Variants in MORN1 observed in about 807,000 individuals in gnomAD.
The protein encoded by MORN1 is MORN repeat-containing protein 1.
A neutral mutation model predicts 61.9 loss-of-function variants in MORN1; 67 were observed. The ratio of observed to expected loss-of-function variants is 1.08; its 90% CI spans 0.89 to 1.33. The LOEUF (loss-of-function observed/expected upper bound fraction) is 1.33. Ranked by LOEUF, MORN1 falls within the 40% of genes most tolerant of loss-of-function variation. MORN1 has a pLI of 0.00. For synonymous variants in MORN1, 301 were observed against 292.0 expected, an observed-to-expected ratio of 1.03 and a Z score of -0.31; for missense variants, 752 against 691.2, an observed-to-expected ratio of 1.09 and a Z score of -0.99.
chr1:2,386,028 C>T, intron 4 of MORN1, 131 bp from the exon 5 acceptor site: 1 of 733,214 alleles, frequency 1.4e-6, no homozygotes, highest in Non-Finnish European at 2.4e-6. Context: ...GCTCAGGGCC[C>T]CCCAGGAACA....
intron 8 of MORN1, among the ~76,000 whole-genome samples, chr1:2,366,609 C>T (rs1480503205): frequency 2.0e-5 from 3 of 152,212 alleles, no homozygotes; most frequent in Non-Finnish European, 4.4e-5. Flanking sequence ...CTGCAACCTC[C>T]GCCTCCCAGG....
chr1:2,380,357 C>T (rs527488179), intron 6 of MORN1, among the ~76,000 whole-genome samples: 6 of 152,312 alleles, frequency 3.9e-5, no homozygotes, highest in East Asian at 1.9e-4. Context: ...AAAGTGGTCA[C>T]GGCCCAGCGC....
At chr1:2,352,119 G>C (rs1040443855) in intron 10 of MORN1, 1 of 414,134 alleles carries the variant, frequency 2.4e-6, no homozygotes, top group African/African-American at 2.1e-5. Context: ...AAATTGTGTA[G>C]AGTGTTTGTG....
intron 10 of MORN1, among the ~76,000 whole-genome samples, chr1:2,354,978 A>G (rs1435289903): frequency 3.3e-5 from 5 of 152,138 alleles, no homozygotes; most frequent in Non-Finnish European, 7.3e-5. Context: ...ACGGCTGGAC[A>G]CTCACATCAT....
chr1:2,321,347 A>C lies in MORN1; in HGVS notation c.*36T>G. On this transcript the variant is annotated 3_prime_UTR_variant, in exon 14 of 14. Coordinates refer to ENST00000378531, the MANE Select transcript of MORN1 (RefSeq NM_024848.3). Reference sequence around the variant, plus strand: ...GCAAGCAGAGGCAGCGTTTCCTTCCATTCACACCGAGGTGGCCTCCTGTGG... The same window carrying C: ...GCAAGCAGAGGCAGCGTTTCCTTCCCTTCACACCGAGGTGGCCTCCTGTGG... The C allele has an allele frequency of 7.2e-7, 1 of 1,394,634 alleles. No individual in the cohort carries two copies. Among genetic ancestry groups the C allele is most frequent in the Admixed American group, 2.8e-5 (1 of 36,312 alleles). 86.4% of individuals were successfully genotyped at this position (1,394,634 alleles called of 1,614,324 possible). A position where few individuals can be genotyped will look rare whatever the true frequency, so the allele number is the denominator to read the frequency against.
chr1:2,381,037 G>A (rs1247700811), intron 6 of MORN1, among the ~76,000 whole-genome samples: 7 of 152,336 alleles, frequency 4.6e-5, no homozygotes, highest in Admixed American at 3.3e-4. Flanking sequence ...CACTGTGACC[G>A]GAGGGCCCAG....
At position 2,388,355 on chromosome 1, in the gene MORN1, C is replaced by T. The variant is rs1456233103; in HGVS notation, c.149-18G>A. On this transcript the variant is annotated intron_variant, in intron 2 of 13. Transcript: ENST00000378531. ...CCCGTGACCTGGCAGGAGAAATCGT[C>T]ACGTGAACTCAGACAGTGGTTGGGT... The T allele has an allele frequency of 6.3e-7, 1 of 1,598,358 alleles. No homozygotes were observed. The highest frequency in any genetic ancestry group is 8.6e-7 in the Non-Finnish European group (1 of 1,165,964).
chr1:2,333,928 C>T (rs377214891), intron 12 of MORN1, among the ~76,000 whole-genome samples: 5 of 152,286 alleles, frequency 3.3e-5, no homozygotes, highest in South Asian at 2.1e-4. Flanking sequence ...CTTAGAATTC[C>T]GAAAAGTGGG....
intron 8 of MORN1, among the ~76,000 whole-genome samples, chr1:2,359,663 T>C (rs1015593754): frequency 6.6e-6 from 1 of 152,054 alleles, no homozygotes; most frequent in African/African-American, 2.4e-5. Flanking sequence ...CGGGTGGATC[T>C]CCTGAGGTCA....
At chr1:2,386,224 C>T (rs1642495190) in intron 4 of MORN1, 1 of 346,412 alleles carries the variant, frequency 2.9e-6, no homozygotes, top group Non-Finnish European at 5.5e-6. Flanking sequence ...GCTGCACAGG[C>T]TCTGCGTGCT....
At chr1:2,349,188 A>C (rs1641595962) in intron 10 of MORN1, among the ~76,000 whole-genome samples, 1 of 152,232 alleles carries the variant, frequency 6.6e-6, no homozygotes, top group South Asian at 2.1e-4. Context: ...CCAGGCGGGA[A>C]GGGGAGGGAA....
At chr1:2,344,188 C>G (rs1641460236) in intron 10 of MORN1, among the ~76,000 whole-genome samples, 1 of 152,242 alleles carries the variant, frequency 6.6e-6, no homozygotes, top group African/African-American at 2.4e-5. Flanking sequence ...GGGGCACTGC[C>G]CTCAGGCGGC....
chr1:2,385,993 A>T, intron 4 of MORN1, 96 bp from the exon 5 acceptor site: 1 of 1,058,612 alleles, frequency 9.4e-7, no homozygotes, highest in Non-Finnish European at 1.5e-6. Context: ...GGCAGGAGCA[A>T]AGTAGCAAGT....
chr1:2,374,508 C>A lies in MORN1; in HGVS notation c.587G>T (p.Cys196Phe), dbSNP rs1642192480. 1.2e-6 allele frequency: 2 copies of A among 1,604,018 alleles called. No individual in the cohort carries two copies. Among genetic ancestry groups the A allele is most frequent in the Non-Finnish European group, 1.7e-6 (2 of 1,176,022 alleles). ...CAACCCATAATAGGTGACCCCTGAG[C>A]AGTGGGCCATGCTGCCCAGTCCACT... ...VFSGLGSMAH[C>F]SGVTYYGLWI... is the part of the protein sequence containing the mutation. Residue 196 changes from cysteine (C) to phenylalanine (F), a missense_variant, in exon 7 of 14, where the codon TGC becomes TTC. Coordinates refer to ENST00000378531, the MANE Select transcript of MORN1 (RefSeq NM_024848.3).
chr1:2,344,043 G>A lies in MORN1; in HGVS notation c.1037-7193C>T, dbSNP rs936607841. 5.4e-4 allele frequency among the ~76,000 whole-genome samples: 82 copies of A among 152,198 alleles called. 1 individual carries two copies. Among genetic ancestry groups the A allele is most frequent in the African/African-American group, 1.8e-3 (74 of 41,540 alleles). On this transcript the variant is annotated intron_variant, in intron 10 of 13. Coordinates refer to ENST00000378531, the MANE Select transcript of MORN1 (RefSeq NM_024848.3). ...CCCTGGGACCTCCTTCCCGGCCATCGGCCTTCTTTCCCATCTGGAGCAGGA... is the reference window on the plus strand; with the variant it reads ...CCCTGGGACCTCCTTCCCGGCCATCAGCCTTCTTTCCCATCTGGAGCAGGA...
At chr1:2,336,395 T>TC in intron 12 of MORN1, 74 bp downstream of exon 12, 1 of 1,476,160 alleles carries the variant, frequency 6.8e-7, no homozygotes, top group Non-Finnish European at 9.3e-7. Flanking sequence ...GCCTTCCCCG[T>TC]CCTCCTGGCC....
At chr1:2,324,673 TGAG>T (rs890033285) in intron 12 of MORN1, among the ~76,000 whole-genome samples, 6 of 152,040 alleles carry the variant, frequency 3.9e-5, no homozygotes, top group African/African-American at 1.4e-4. Context: ...GAGGTAGCAG[TGAG>T]GATGGGAGGG....
chr1:2,327,165 GACAGAAAC>G (rs1641046240), intron 12 of MORN1, among the ~76,000 whole-genome samples: 3 of 123,662 alleles, frequency 2.4e-5, no homozygotes, highest in African/African-American at 1.0e-4. Flanking sequence ...GAAACACACA[GACAGAAAC>G]AAACACAGAG....
In MORN1 at chr1:2,372,924, C is replaced by T. The variant is rs1570017905; in HGVS notation, c.635-333G>A. On this transcript the variant is annotated intron_variant, in intron 7 of 13. Coordinates refer to ENST00000378531, the MANE Select transcript of MORN1 (RefSeq NM_024848.3). This position sits in a 1 kb window ranked among gnomAD's most constrained non-coding sequence, Gnocchi z 5.4. ...CTGCCCGTGGAATGTTCCCGCACGT[C>T]TTCCCGCTGGTCGGGATTTAGGCCC... Among the ~76,000 whole-genome samples the T allele has an allele frequency of 6.6e-6, 1 of 152,382 alleles. No individual in the cohort carries two copies. Among genetic ancestry groups the T allele is most frequent in the South Asian group, 2.1e-4 (1 of 4,830 alleles).
Sources: gnomAD v4.1 joint callset for allele counts (sites outside exome capture counted in the v4.1 genomes callset) on GRCh38, gnomAD v4.1.1 for gene constraint, Gnocchi (gnomAD v3.1) non-coding constraint, MANE v1.5 for transcripts, NCBI Gene and HGNC (gene_info 2026-07-23, HGNC 2026-07-21) for gene names.